The following PPP2R1B variants were observed in gnomAD, a reference collection of about 807,000 sequenced individuals.
PPP2R1B encodes the protein protein phosphatase 2 scaffold subunit Abeta.
A neutral mutation model predicts 72.7 loss-of-function variants in PPP2R1B; 58 were observed. The observed-to-expected ratio is 0.80, with a 90% CI of 0.65 to 0.99. The LOEUF (loss-of-function observed/expected upper bound fraction) is 0.99. PPP2R1B is among the 50% of genes least tolerant of loss of function. The pLI is 0.00. For synonymous variants in PPP2R1B, 256 were observed against 264.6 expected (o/e 0.97, Z 0.32); for missense variants, 695 against 733.6 (o/e 0.95, Z 0.61).
intron 14 of PPP2R1B, 156 bp downstream of exon 14, chr11:111,741,897 G>C (rs1040459530): frequency 7.4e-6 from 6 of 806,686 alleles, no homozygotes; most frequent in Non-Finnish European, 1.3e-5. Flanking sequence ...GGCCAAGAGG[G>C]TTCTAATCAG....
chr11:111,740,283 T>C lies in PPP2R1B; in HGVS notation c.*1313A>G. The C allele has an allele frequency of 2.1e-6, 2 of 942,662 alleles. No homozygotes were observed. Among genetic ancestry groups the C allele is most frequent in the East Asian group, 2.3e-4 (2 of 8,582 alleles). The allele number at this position is 942,662 out of a possible 1,614,324, so 58.4% of individuals were successfully genotyped here. Reference sequence around the variant, plus strand: ...CCCAGGCTAGAGTGCAGTGGCGCGATCTCGGCTCAGTGCAACCTCTACCTC... The same window carrying C: ...CCCAGGCTAGAGTGCAGTGGCGCGACCTCGGCTCAGTGCAACCTCTACCTC... On this transcript the variant is annotated 3_prime_UTR_variant, in exon 15 of 15. Transcript: ENST00000527614.
chr11:111,728,575 C>T (rs1286113921), intron 15 of PPP2R1B: 3 of 152,078 alleles, frequency 2.0e-5, no homozygotes, highest in African/African-American at 7.2e-5. Flanking sequence ...AGGTGTGAGC[C>T]ACCACACCCG....
chr11:111,750,847 T>G (rs1944878439), intron 10 of PPP2R1B, among the ~76,000 whole-genome samples: 3 of 151,074 alleles, frequency 2.0e-5, no homozygotes, highest in African/African-American at 2.5e-5. Flanking sequence ...TGTTTTGTTT[T>G]TTTTTTTTTG....
chr11:111,764,051 G>C (rs1555052224), intron 3 of PPP2R1B, among the ~76,000 whole-genome samples: 1 of 152,104 alleles, frequency 6.6e-6, no homozygotes, highest in African/African-American at 2.4e-5. Flanking sequence ...ACCTAGTTCA[G>C]ACATCATCTC....
At chr11:111,730,056 G>GT (rs1384952981) in intron 15 of PPP2R1B, 18 of 152,250 alleles carry the variant, frequency 1.2e-4, no homozygotes, top group African/African-American at 3.9e-4. Flanking sequence ...AACGAGGGGC[G>GT]TAACATTTCC....
chr11:111,692,357 A>C, the PPP2R1B span, among the ~76,000 whole-genome samples: 1 of 73,520 alleles, frequency 1.4e-5, no homozygotes. Flanking sequence ...TCTCAAAAAA[A>C]AAAAAAAAAA....
chr11:111,712,188 G>C, the PPP2R1B span: 1 of 1,610,212 alleles, frequency 6.2e-7, no homozygotes, highest in South Asian at 1.1e-5. Context: ...TTCCCAAACT[G>C]TCTGTTCTTG....
intron 15 of PPP2R1B, chr11:111,730,354 G>A (rs1294915464): frequency 6.6e-6 from 1 of 152,202 alleles, no homozygotes; most frequent in Non-Finnish European, 1.5e-5. Flanking sequence ...ACCATGGGTG[G>A]TAAGAGAAAC....
downstream of PPP2R1B, among the ~76,000 whole-genome samples, chr11:111,734,112 C>G (rs1419439319): frequency 6.6e-6 from 1 of 152,220 alleles, no homozygotes; most frequent in Non-Finnish European, 1.5e-5. Context: ...GGGGCAAATG[C>G]AGCCTGGCCT....
At chr11:111,699,262 C>T in the PPP2R1B span, among the ~76,000 whole-genome samples, 1 of 152,192 alleles carries the variant, frequency 6.6e-6, no homozygotes, top group African/African-American at 2.4e-5. Flanking sequence ...ATCTGAAGCT[C>T]TTTCCCCAGA....
the PPP2R1B span, among the ~76,000 whole-genome samples, chr11:111,698,130 A>G: frequency 3.3e-5 from 5 of 152,252 alleles, no homozygotes; most frequent in Non-Finnish European, 7.3e-5. Flanking sequence ...ATATCCCTAT[A>G]GACCCAAGTT....
intron 5 of PPP2R1B, among the ~76,000 whole-genome samples, chr11:111,756,314 G>A (rs1253685265): frequency 6.6e-6 from 1 of 151,172 alleles, no homozygotes; most frequent in Non-Finnish European, 1.5e-5. Context: ...TGAGTAAACA[G>A]CAAAGTAATT....
At position 111,731,050 on chromosome 11, in the gene PPP2R1B, G is replaced by A. The variant is rs117452922; in HGVS notation, c.1912-3993C>T. On this transcript the variant is annotated intron_variant, in intron 15 of 15. Coordinates refer to the PPP2R1B transcript ENST00000311129. ...AATAATACCTTGCTCTGAATCGCCC[G>A]AGTACACGTTAGCCGCTGCAGATCG... Among the ~76,000 whole-genome samples, 1,011 of 152,346 alleles carry A rather than the reference G, an allele frequency of 6.6e-3. 7 individuals are homozygous for A. Among genetic ancestry groups the A allele is most frequent in the Middle Eastern group, 0.048 (14 of 294 alleles).
downstream of PPP2R1B, chr11:111,737,358 C>T (rs544176591): frequency 1.3e-3 from 2,015 of 1,588,074 alleles, 4 homozygotes; most frequent in Non-Finnish European, 1.5e-3. Flanking sequence ...GCTTCTCCGC[C>T]TACCCTGTGG....
intron 8 of PPP2R1B, among the ~76,000 whole-genome samples, chr11:111,754,000 T>C (rs1945009990): frequency 6.6e-6 from 1 of 151,908 alleles, no homozygotes; most frequent in Non-Finnish European, 1.5e-5. Context: ...CACTGCCATC[T>C]CAACCTCCTG....
At chr11:111,694,329 A>C in the PPP2R1B span, among the ~76,000 whole-genome samples, 19 of 152,178 alleles carry the variant, frequency 1.2e-4, no homozygotes, top group Non-Finnish European at 1.5e-5. Context: ...GGTTGATGCA[A>C]CTTAATTTTT....
intron 15 of PPP2R1B, chr11:111,730,068 TAC>T (rs1843761295): frequency 6.6e-6 from 1 of 152,238 alleles, no homozygotes; most frequent in Admixed American, 6.5e-5. Context: ...AACATTTCCT[TAC>T]AGTCAAGCCC....
chr11:111,714,452 A>G, the PPP2R1B span, among the ~76,000 whole-genome samples: 1 of 152,226 alleles, frequency 6.6e-6, no homozygotes, highest in Non-Finnish European at 1.5e-5. Context: ...TCAGAAAGTT[A>G]GCCTGCATAT....
the PPP2R1B span, among the ~76,000 whole-genome samples, chr11:111,708,562 AACC>A: frequency 1.3e-5 from 2 of 152,032 alleles, no homozygotes; most frequent in Admixed American, 1.3e-4. Context: ...CATACATTCT[AACC>A]ACTAATTTTG....
Sources: allele counts gnomAD v4.1 joint callset (sites outside exome capture counted in the v4.1 genomes callset), GRCh38; gene constraint gnomAD v4.1.1; transcripts MANE v1.5; gene names NCBI Gene and HGNC (gene_info 2026-07-23, HGNC 2026-07-21).